Variants in RIT2 observed in about 807,000 individuals in gnomAD.
The protein encoded by RIT2 is GTP-binding protein Rit2.
In RIT2, 24 loss-of-function variants were observed where a neutral mutation model predicts 23.7. The observed-to-expected ratio is 1.01, with a 90% confidence interval of 0.73 to 1.43. The LOEUF (loss-of-function observed/expected upper bound fraction) is 1.43, where lower values mean the gene tolerates loss of function less well. RIT2 is among the 40% of genes most tolerant of loss of function. The pLI is 0.00. For synonymous variants in RIT2, 107 were observed against 91.1 expected, an observed-to-expected ratio of 1.17 and a Z score of -0.99; for missense variants, 236 against 266.9, an observed-to-expected ratio of 0.88 and a Z score of 0.81.
intron 3 of RIT2, among the ~76,000 whole-genome samples, chr18:42,972,287 A>G (rs547908856): frequency 6.6e-6 from 1 of 152,014 alleles, no homozygotes; most frequent in South Asian, 2.1e-4. Context: ...TCTAACCCCC[A>G]TAAGTCCATT....
intron 3 of RIT2, among the ~76,000 whole-genome samples, chr18:42,933,856 A>G (rs1217954139): frequency 6.6e-6 from 1 of 151,846 alleles, no homozygotes; most frequent in African/African-American, 2.4e-5. Flanking sequence ...TGTCTCTACT[A>G]AAAATACAAC....
chr18:42,892,006 G>C (rs1419761911), intron 4 of RIT2, among the ~76,000 whole-genome samples: 1 of 151,676 alleles, frequency 6.6e-6, no homozygotes, highest in Non-Finnish European at 1.5e-5. Context: ...GGGTGTGTGG[G>C]AACTTCTGTA....
chr18:43,044,795 C>A (rs1255403287), intron 1 of RIT2, among the ~76,000 whole-genome samples: 1 of 152,128 alleles, frequency 6.6e-6, no homozygotes, highest in South Asian at 2.1e-4. Flanking sequence ...TGCAATTCAT[C>A]ATTTCCCTGA....
Position 43,037,841 on chromosome 18 carries a change from G to A in RIT2, c.104-3974C>T, listed in dbSNP as rs1164206131. On this transcript the variant is annotated intron_variant, in intron 1 of 4. Coordinates refer to ENST00000326695, the MANE Select transcript of RIT2 (RefSeq NM_002930.4). The stretch of plus-strand genomic sequence containing the variant: ...CTGAACCATGTTAACTGTTTGGTCT[G>A]TTTTTCTGGAGATACTAAGGATTCT... 1.3e-5 allele frequency among the ~76,000 whole-genome samples: 2 copies of A among 152,030 alleles called. 1 individual carries two copies. Among genetic ancestry groups the A allele is most frequent in the African/African-American group, 4.8e-5 (2 of 41,374 alleles).
intron 1 of RIT2, among the ~76,000 whole-genome samples, chr18:43,095,533 A>G: frequency 6.6e-6 from 1 of 152,156 alleles, no homozygotes; most frequent in East Asian, 1.9e-4. Context: ...AATAAAACAT[A>G]GACAAGTACA....
intron 4 of RIT2, among the ~76,000 whole-genome samples, chr18:42,873,790 G>A (rs901082962): frequency 2.2e-4 from 34 of 152,092 alleles, no homozygotes; most frequent in African/African-American, 7.5e-4. Context: ...TTTTCAGGAA[G>A]GAGGGGACAA....
chr18:42,962,969 A>G (rs972968173), intron 3 of RIT2, among the ~76,000 whole-genome samples: 5 of 152,088 alleles, frequency 3.3e-5, no homozygotes, highest in Admixed American at 6.5e-5. Flanking sequence ...ATATTTTCCA[A>G]CTCTTTTGGT....
intron 4 of RIT2, among the ~76,000 whole-genome samples, chr18:42,763,289 C>T (rs1470621159): frequency 2.6e-5 from 4 of 152,016 alleles, no homozygotes; most frequent in African/African-American, 4.8e-5. Context: ...GGTGAAACCC[C>T]GTCTCTATTA....
chr18:43,085,004 G>A (rs1012932341), intron 1 of RIT2, among the ~76,000 whole-genome samples: 3 of 152,078 alleles, frequency 2.0e-5, no homozygotes, highest in South Asian at 4.1e-4. Flanking sequence ...ATAGTTCTGT[G>A]GATGAAGCTG....
chr18:42,856,218 C>T (rs1202297760), intron 4 of RIT2, among the ~76,000 whole-genome samples: 3 of 152,200 alleles, frequency 2.0e-5, no homozygotes. Flanking sequence ...TGTATGTGAT[C>T]TACTTTGTTT....
chr18:43,079,816 C>T (rs1913112366), intron 1 of RIT2, among the ~76,000 whole-genome samples: 1 of 152,136 alleles, frequency 6.6e-6, no homozygotes, highest in South Asian at 2.1e-4. Context: ...TTGGACTTCT[C>T]CCCTACAAAG....
At chr18:43,057,108 T>C (rs1361880259) in intron 1 of RIT2, among the ~76,000 whole-genome samples, 2 of 151,700 alleles carry the variant, frequency 1.3e-5, no homozygotes, top group Non-Finnish European at 2.9e-5. Context: ...TGTTTGTAGA[T>C]ATAGAATATT....
chr18:43,046,749 T>C (rs1912257047), intron 1 of RIT2, among the ~76,000 whole-genome samples: 1 of 152,216 alleles, frequency 6.6e-6, no homozygotes, highest in South Asian at 2.1e-4. Flanking sequence ...AAAACCAGCT[T>C]TCCTTATGTA....
rs146670671 is a variant in RIT2 at position 42,857,853 on chromosome 18, C to T, written c.426+65719G>A. Among the ~76,000 whole-genome samples, 8 of 152,268 alleles carry T rather than the reference C, an allele frequency of 5.3e-5. No homozygotes were observed. The East Asian group carries it at 1.5e-3, about 29-fold the overall frequency. ...CAAGACCTAGGTACTGGGAATCAGT[C>T]TTGGGCTACATAGATAAGACCAAAG... On this transcript the variant is annotated intron_variant, in intron 4 of 4. Coordinates refer to ENST00000326695, the MANE Select transcript of RIT2 (RefSeq NM_002930.4).
At chr18:43,002,996 T>C (rs1911143519) in intron 2 of RIT2, among the ~76,000 whole-genome samples, 1 of 151,678 alleles carries the variant, frequency 6.6e-6, no homozygotes, top group African/African-American at 2.4e-5. Flanking sequence ...GCACTGAAGA[T>C]AGGGGGCAGG....
intron 1 of RIT2, among the ~76,000 whole-genome samples, chr18:43,051,479 A>G (rs2144309933): frequency 6.6e-6 from 1 of 152,232 alleles, no homozygotes; most frequent in East Asian, 1.9e-4. Context: ...GTTGAACAAG[A>G]CAAAAAATTT....
At chr18:43,016,504 C>T (rs1911478575) in intron 2 of RIT2, among the ~76,000 whole-genome samples, 1 of 151,790 alleles carries the variant, frequency 6.6e-6, no homozygotes, top group Non-Finnish European at 1.5e-5. Flanking sequence ...CCCTTTTCAT[C>T]ATATAAATTC....
At chr18:42,835,160 A>G (rs557999150) in intron 4 of RIT2, among the ~76,000 whole-genome samples, 82 of 152,300 alleles carry the variant, frequency 5.4e-4, no homozygotes, top group African/African-American at 1.8e-3. Context: ...CATGTATTGA[A>G]CAATATGAGG....
chr18:42,775,177 T>C (rs546197713), intron 4 of RIT2, among the ~76,000 whole-genome samples: 13 of 152,294 alleles, frequency 8.5e-5, no homozygotes, highest in African/African-American at 3.1e-4. Flanking sequence ...GTTCTGTTCA[T>C]TGTAGCCACT....
Sources: allele counts gnomAD v4.1 joint callset (sites outside exome capture counted in the v4.1 genomes callset), GRCh38; gene constraint gnomAD v4.1.1; transcripts MANE v1.5; gene names NCBI Gene and HGNC (gene_info 2026-07-23, HGNC 2026-07-21).